The following KDM4B variants were observed in gnomAD, a reference collection of about 807,000 sequenced individuals.
The protein encoded by KDM4B is lysine-specific demethylase 4B.
In KDM4B, 32 loss-of-function variants were observed where a neutral mutation model predicts 125.2. The ratio of observed to expected loss-of-function variants is 0.26; its 90% CI spans 0.19 to 0.34. KDM4B has a LOEUF of 0.34. Among genes scored for constraint, KDM4B ranks in the 10% least tolerant of loss-of-function variants. The pLI is 1.00. For synonymous variants in KDM4B, 721 were observed against 677.9 expected (o/e 1.06, Z -0.99); for missense variants, 1,190 against 1,577.7 (o/e 0.75, Z 4.16).
chr19:5,125,972 GA>G (rs560713613), intron 11 of KDM4B, among the ~76,000 whole-genome samples: 62 of 152,228 alleles, frequency 4.1e-4, no homozygotes, highest in Non-Finnish European at 7.8e-4. Context: ...GGCACGACAG[GA>G]AATGCATGCC....
In KDM4B at chr19:5,114,400, C is replaced by T. The variant is rs1050972653; in HGVS notation, c.1115+3582C>T. ...GCCCCTGCGCCAGTGCAGGACACCG[C>T]CACGCCTCTGGCCCCGACTCCTGCC... On this transcript the variant is annotated intron_variant, in intron 10 of 22. Transcript: ENST00000159111. This position sits in a 1 kb window ranked among gnomAD's most constrained non-coding sequence, Gnocchi z 5.8. 3.3e-5 allele frequency: 16 copies of T among 485,088 alleles called. No homozygotes were observed. The highest frequency in any genetic ancestry group is 5.8e-5 in the Non-Finnish European group (15 of 258,390). The allele number at this position is 485,088 out of a possible 1,614,324, so 30.0% of individuals were successfully genotyped here.
chr19:5,021,780 C>T (rs911892844), intron 2 of KDM4B, among the ~76,000 whole-genome samples: 13 of 151,602 alleles, frequency 8.6e-5, no homozygotes, highest in African/African-American at 3.2e-4. Context: ...ATTACAGGAG[C>T]GTGCCACCAT....
chr19:5,082,560 T>C lies in KDM4B; in HGVS notation c.918+56T>C. On this transcript the variant is annotated intron_variant, in intron 9 of 22. Coordinates refer to ENST00000159111, the MANE Select transcript of KDM4B (RefSeq NM_015015.3). The surrounding 1 kb of genome is among the most constrained non-coding windows in gnomAD (Gnocchi z 5.4). The stretch of plus-strand genomic sequence containing the variant: ...AGCAGGGCGGGAGGAGGCTCTTTTT[T>C]GCCTCTGCAGCCACACGCCCATAGC... 6.6e-7 allele frequency: 1 copy of C among 1,523,088 alleles called. No homozygotes were observed. The highest frequency in any genetic ancestry group is 8.8e-7 in the Non-Finnish European group (1 of 1,139,878). 94.3% of individuals were successfully genotyped at this position (1,523,088 alleles called of 1,614,324 possible). A position where few individuals can be genotyped will look rare whatever the true frequency, so the allele number is the denominator to read the frequency against.
chr19:5,031,594 T>C (rs1439335503), intron 2 of KDM4B, among the ~76,000 whole-genome samples: 1 of 152,168 alleles, frequency 6.6e-6, no homozygotes, highest in African/African-American at 2.4e-5. Flanking sequence ...ACGTCAGGGC[T>C]GGGGCTCAGC....
intron 10 of KDM4B, chr19:5,113,845 G>T (rs563548581): frequency 2.1e-6 from 2 of 972,598 alleles, no homozygotes; most frequent in African/African-American, 3.5e-5. Flanking sequence ...AGCCTTCCCT[G>T]CCCTCGGCGT....
chr19:5,088,657 C>G (rs1046883503), intron 9 of KDM4B, among the ~76,000 whole-genome samples: 16 of 84,164 alleles, frequency 1.9e-4, no homozygotes, highest in Non-Finnish European at 3.4e-4. Flanking sequence ...CAGGCCAGGC[C>G]CCCCCCCTCC....
intron 5 of KDM4B, chr19:5,047,161 G>C (rs1599495973): frequency 1.1e-5 from 3 of 265,932 alleles, no homozygotes; most frequent in Non-Finnish European, 1.4e-5. Context: ...GCCAGGTGTG[G>C]TTTCTCACGC....
At position 4,997,789 on chromosome 19, in the gene KDM4B, C is replaced by G. The variant is rs569016765; in HGVS notation, c.-108-18468C>G. Among the ~76,000 whole-genome samples the G allele has an allele frequency of 7.8e-4, 119 of 152,340 alleles. No individual in the cohort carries two copies. The highest frequency in any genetic ancestry group is 1.3e-3 in the Non-Finnish European group (89 of 68,040). ...CTTCATCCTTACTGTCTGGTCTGTT[C>G]CAAAGGCCGCAGGCCCCAGAAAGAC... On this transcript the variant is annotated intron_variant, in intron 1 of 22. Coordinates refer to ENST00000159111, the MANE Select transcript of KDM4B (RefSeq NM_015015.3). This position sits in a 1 kb window ranked among gnomAD's most constrained non-coding sequence, Gnocchi z 4.2.
At chr19:5,133,817 G>T in intron 13 of KDM4B, 66 bp from the exon 14 acceptor site, 1 of 1,553,260 alleles carries the variant, frequency 6.4e-7, no homozygotes, top group Non-Finnish European at 8.8e-7. Context: ...GGCAGTTGGG[G>T]TGATTCCTTG....
chr19:4,995,828 C>CA (rs2035182224), intron 1 of KDM4B, among the ~76,000 whole-genome samples: 1 of 152,104 alleles, frequency 6.6e-6, no homozygotes, highest in Non-Finnish European at 1.5e-5. Context: ...AATGTCCCTG[C>CA]ATCCTGCGAC....
intron 3 of KDM4B, among the ~76,000 whole-genome samples, chr19:5,038,191 C>T (rs1024999037): frequency 6.6e-6 from 1 of 152,320 alleles, no homozygotes; most frequent in African/African-American, 2.4e-5. Context: ...AGGCGTGGGG[C>T]CTGCAGTGCC....
In KDM4B at chr19:5,137,689, G is replaced by A. The variant is rs748442774; in HGVS notation, c.2441+13G>A. ...CCACCGATAGGAGGTGGGTGGCACC[G>A]CGCGTTGGGGCTGGAGGGCCGGAGG... is the stretch of plus-strand genomic sequence containing the variant. On this transcript the variant is annotated intron_variant, in intron 17 of 22. Coordinates refer to ENST00000159111, the MANE Select transcript of KDM4B (RefSeq NM_015015.3). 1.1e-5 allele frequency: 17 copies of A among 1,571,376 alleles called. No homozygotes were observed. The highest frequency in any genetic ancestry group is 1.7e-5 in the Admixed American group (1 of 57,254).
At chr19:5,072,834 G>T (rs2037989532) in intron 7 of KDM4B, among the ~76,000 whole-genome samples, 1 of 152,176 alleles carries the variant, frequency 6.6e-6, no homozygotes, top group Non-Finnish European at 1.5e-5. Context: ...CACCAGGGGA[G>T]AACCCACTTC....
At chr19:5,130,574 T>C (rs1292982559) in intron 11 of KDM4B, among the ~76,000 whole-genome samples, 2 of 152,060 alleles carry the variant, frequency 1.3e-5, no homozygotes, top group Non-Finnish European at 2.9e-5. Context: ...TGTTCAAGGT[T>C]TTACTTTCGT....
chr19:5,088,777 C>T (rs1282940348), intron 9 of KDM4B, among the ~76,000 whole-genome samples: 1 of 151,874 alleles, frequency 6.6e-6, no homozygotes, highest in Non-Finnish European at 1.5e-5. Context: ...TTCATCCGCA[C>T]ATCCCTTGGG....
At chr19:5,121,985 C>G (rs953270643) in intron 11 of KDM4B, among the ~76,000 whole-genome samples, 2 of 152,116 alleles carry the variant, frequency 1.3e-5, no homozygotes, top group Admixed American at 1.3e-4. Flanking sequence ...CCTCCCTCCC[C>G]CTGTCCACGC....
chr19:4,982,206 C>T (rs1044192588), intron 1 of KDM4B, among the ~76,000 whole-genome samples: 4 of 151,818 alleles, frequency 2.6e-5, no homozygotes, highest in African/African-American at 4.8e-5. Flanking sequence ...GCAGGAGAAT[C>T]GCTTGAACCT....
chr19:5,008,030 C>T (rs750891672), intron 1 of KDM4B, among the ~76,000 whole-genome samples: 1 of 152,142 alleles, frequency 6.6e-6, no homozygotes, highest in African/African-American at 2.4e-5. Flanking sequence ...ATGCCCAATG[C>T]TTTGGAAGGG....
chr19:5,135,461 C>T lies in KDM4B; in HGVS notation c.2208C>T (p.Gly736=), dbSNP rs1472910297. 9.9e-6 allele frequency: 16 copies of T among 1,613,198 alleles called. No individual in the cohort carries two copies. Among genetic ancestry groups the T allele is most frequent in the African/African-American group, 2.7e-5 (2 of 74,924 alleles). The change falls in exon 15 of 23, where the codon GGC becomes GGT. Residue 736 remains glycine (G), a synonymous_variant. Transcript: ENST00000159111. ...PLIPEMCFTS[G]GENTEPLPAN... is the part of the protein sequence containing the mutation. Reference sequence around the variant, plus strand: ...TCCCTGAGATGTGCTTCACCTCTGGCGGTGAGAACACGGAGCCGCTGCCTG... The same window carrying T: ...TCCCTGAGATGTGCTTCACCTCTGGTGGTGAGAACACGGAGCCGCTGCCTG...
Sources: allele counts gnomAD v4.1 joint callset (sites outside exome capture counted in the v4.1 genomes callset), GRCh38; gene constraint gnomAD v4.1.1; non-coding constraint Gnocchi (gnomAD v3.1); transcripts MANE v1.5; gene names NCBI Gene and HGNC (gene_info 2026-07-23, HGNC 2026-07-21).